Variants in SBK2 observed in about 807,000 individuals in gnomAD.
SBK2 encodes SH3 domain binding kinase family member 2, also known as serine/threonine-protein kinase SBK2.
In SBK2, 18 loss-of-function variants were observed where a neutral mutation model predicts 15.9. That is an observed-to-expected ratio of 1.13 (90% confidence interval 0.78 to 1.68). The LOEUF (loss-of-function observed/expected upper bound fraction) is 1.68. Among genes scored for constraint, SBK2 ranks in the 40% most tolerant of loss-of-function variants. SBK2 has a pLI of 0.00. For synonymous variants in SBK2, 284 were observed against 246.8 expected, an observed-to-expected ratio of 1.15 and a Z score of -1.41; for missense variants, 581 against 510.9, an observed-to-expected ratio of 1.14 and a Z score of -1.32.
chr19:55,534,155 G>C (rs310456), intron 2 of SBK2, among the ~76,000 whole-genome samples: 1 of 152,084 alleles, frequency 6.6e-6, no homozygotes, highest in South Asian at 2.1e-4. Context: ...AACCCCCCCA[G>C]TGCTGAATGT....
In SBK2 at chr19:55,530,127, C is replaced by T. The variant is rs923619624; in HGVS notation, c.653G>A (p.Gly218Glu). The T allele has an allele frequency of 1.4e-5, 21 of 1,463,458 alleles. No individual in the cohort carries two copies. Among genetic ancestry groups the T allele is most frequent in the Non-Finnish European group, 1.9e-5 (21 of 1,111,708 alleles). 90.7% of individuals were successfully genotyped at this position (1,463,458 alleles called of 1,614,324 possible). Residue 218 changes from glycine (G) to glutamate (E), a missense_variant, in exon 4 of 4, where the codon GGG becomes GAG. By Grantham distance (98) the Gly-to-Glu change is moderately conservative (BLOSUM62 -2). Transcript: ENST00000413299. ...RPRGTLLRLA[G>E]PPIPYTAPEL... ...GGGGGCCGTGTAGGGGATGGGCGGCCCGGCCAGGCGCAGCAGCGTCCCGCG... is the reference window on the plus strand; with the variant it reads ...GGGGGCCGTGTAGGGGATGGGCGGCTCGGCCAGGCGCAGCAGCGTCCCGCG...
intron 2 of SBK2, among the ~76,000 whole-genome samples, chr19:55,532,522 T>C (rs1487208644): frequency 1.3e-5 from 2 of 151,672 alleles, no homozygotes. Context: ...AGGCTAGTCT[T>C]GAACTCCTGG....
At chr19:55,531,455 C>G in intron 2 of SBK2, 110 bp from the exon 3 acceptor site, 1 of 810,046 alleles carries the variant, frequency 1.2e-6, no homozygotes, top group Admixed American at 2.1e-5. Context: ...TGGACTCTTT[C>G]CCATAGACCA....
chr19:55,531,377 G>A (rs1278469668), intron 2 of SBK2, 32 bp from the exon 3 acceptor site: 1 of 1,552,292 alleles, frequency 6.4e-7, no homozygotes, highest in Non-Finnish European at 8.7e-7. Flanking sequence ...TGGGAGGCGT[G>A]CAGCAGCCAA....
chr19:55,530,000 G>A lies in SBK2; in HGVS notation c.780C>T (p.Tyr260=), dbSNP rs1226239478. 1 of 1,523,578 alleles carries A rather than the reference G, an allele frequency of 6.6e-7. No individual in the cohort carries two copies. The highest frequency in any genetic ancestry group is 8.8e-7 in the Non-Finnish European group (1 of 1,137,832). The allele number at this position is 1,523,578 out of a possible 1,614,324, so 94.4% of individuals were successfully genotyped here. ...GVLLFCLLTG[Y]FPWDRPLAEA... ...CGGCCAGGGGCCGGTCCCAGGGGAA[G>A]TAGCCCGTGAGGAGGCAGAAGAGCA... is the stretch of plus-strand genomic sequence containing the variant. Residue 260 remains tyrosine, a synonymous_variant, in exon 4 of 4, where the codon TAC becomes TAT. Coordinates refer to ENST00000413299, the MANE Select transcript of SBK2 (RefSeq NM_001370096.2).
At position 55,536,226 on chromosome 19, in the gene SBK2, A is replaced by C; in HGVS notation, c.69T>G (p.Gly23=). 6.2e-7 allele frequency: 1 copy of C among 1,602,890 alleles called. No individual in the cohort carries two copies. Among genetic ancestry groups the C allele is most frequent in the Non-Finnish European group, 8.5e-7 (1 of 1,175,646 alleles). ...AGASEDSEEE[G]LGGLTLEELQ... The stretch of plus-strand genomic sequence containing the variant: ...GCTCCTCTAATGTCAGGCCGCCCAG[A>C]CCCTCCTCCTCGCTGTCCTCCGAAG... The change falls in exon 2 of 4, where the codon GGT becomes GGG. Residue 23 remains glycine (G), a synonymous_variant. Transcript: ENST00000413299.
In SBK2 at chr19:55,531,180, A is replaced by T; in HGVS notation, c.419T>A (p.Val140Asp). Reference protein sequence around the residue: ...AHSYSFLTEPVLHGDLMAFIQ... With the variant: ...AHSYSFLTEPDLHGDLMAFIQ... Reference sequence around the variant, plus strand: ...GAAGGCCATGAGGTCCCCGTGCAGGACGGGCTCCGTCAGGAAGCTGTAGGA... The same window carrying T: ...GAAGGCCATGAGGTCCCCGTGCAGGTCGGGCTCCGTCAGGAAGCTGTAGGA... The change falls in exon 3 of 4, where the codon GTC becomes GAC. Residue 140 changes from valine to aspartate, a missense_variant. By Grantham distance (152) the Val-to-Asp change is radical. Transcript: ENST00000413299. 1 of 1,612,908 alleles carries T rather than the reference A, an allele frequency of 6.2e-7. No homozygotes were observed. Among genetic ancestry groups the T allele is most frequent in the Admixed American group, 1.7e-5 (1 of 60,026 alleles).
chr19:55,533,011 C>G (rs1012486702), intron 2 of SBK2, among the ~76,000 whole-genome samples: 9 of 152,234 alleles, frequency 5.9e-5, no homozygotes, highest in Non-Finnish European at 1.2e-4. Flanking sequence ...TTCCCCCTCA[C>G]AAGGCCGTGT....
In SBK2 at chr19:55,536,352, GA is replaced by G. The variant is rs1394018692; in HGVS notation, c.-2-57del. On this transcript the variant is annotated intron_variant, in intron 1 of 3. Transcript: ENST00000413299. ...AGGTCCCAGGCCCAAGGGAGGAGGG[GA>G]CTGGGGGTCTGGACTCCTGGGTCTG... 64 of 1,367,436 alleles carry G rather than the reference GA, an allele frequency of 4.7e-5. No individual in the cohort carries two copies. The Admixed American group carries it at 4.7e-4, about 10-fold the overall frequency. The allele number at this position is 1,367,436 out of a possible 1,614,324, so 84.7% of individuals were successfully genotyped here.
At position 55,529,969 on chromosome 19, in the gene SBK2, C is replaced by T; in HGVS notation, c.811G>A (p.Asp271Asn). 2 of 1,527,906 alleles carry T rather than the reference C, an allele frequency of 1.3e-6. No individual in the cohort carries two copies. The highest frequency in any genetic ancestry group is 1.8e-6 in the Non-Finnish European group (2 of 1,139,550). 94.6% of individuals were successfully genotyped at this position (1,527,906 alleles called of 1,614,324 possible). Residue 271 changes from aspartate to asparagine, a missense_variant, in exon 4 of 4, where the codon GAC (aspartate) becomes AAC (asparagine). Physicochemically the swap from Asp to Asn is conservative, Grantham distance 23. Coordinates refer to ENST00000413299, the MANE Select transcript of SBK2 (RefSeq NM_001370096.2). ...FPWDRPLAEA[D>N]PFYEDFLIWQ... ...ATGAGGAAGTCCTCGTAGAAGGGGTCGGCCTCGGCCAGGGGCCGGTCCCAG... is the reference window on the plus strand; with the variant it reads ...ATGAGGAAGTCCTCGTAGAAGGGGTTGGCCTCGGCCAGGGGCCGGTCCCAG...
intron 2 of SBK2, among the ~76,000 whole-genome samples, chr19:55,533,848 C>G (rs1163906892): frequency 6.6e-6 from 1 of 152,052 alleles, no homozygotes; most frequent in Non-Finnish European, 1.5e-5. Flanking sequence ...CCCATCTATG[C>G]TCCCCACGGT....
chr19:55,535,964 C>A, intron 2 of SBK2, 78 bp downstream of exon 2: 1 of 1,339,540 alleles, frequency 7.5e-7, no homozygotes. Context: ...GCCTGCCAGC[C>A]TCCCCAGCCT....
At position 55,531,266 on chromosome 19, in the gene SBK2, G is replaced by C; in HGVS notation, c.333C>G (p.Leu111=). The part of the protein sequence containing the change: ...RGFLYEFCVG[L]SLGAHSAIVT... ...CGATGGCTGAGTGCGCGCCCAGCGA[G>C]AGCCCCACACAGAACTCGTACAGGA... Residue 111 remains leucine (L), a synonymous_variant, in exon 3 of 4, where the codon CTC becomes CTG. Coordinates refer to ENST00000413299, the MANE Select transcript of SBK2 (RefSeq NM_001370096.2). 3 of 1,613,704 alleles carry C rather than the reference G, an allele frequency of 1.9e-6. No homozygotes were observed. The highest frequency in any genetic ancestry group is 2.5e-6 in the Non-Finnish European group (3 of 1,179,912).
intron 2 of SBK2, among the ~76,000 whole-genome samples, chr19:55,535,282 T>C (rs950616261): frequency 6.7e-6 from 1 of 150,326 alleles, no homozygotes; most frequent in Non-Finnish European, 1.5e-5. Context: ...AAGGACACGG[T>C]GCTTGGCAGA....
chr19:55,535,940 A>G (rs1290304890), intron 2 of SBK2, 102 bp downstream of exon 2: 1 of 1,148,782 alleles, frequency 8.7e-7, no homozygotes, highest in Non-Finnish European at 1.2e-6. Context: ...GGGCAGAGGT[A>G]AGACTTGATT....
intron 2 of SBK2, among the ~76,000 whole-genome samples, chr19:55,533,960 G>C (rs1424492523): frequency 6.6e-6 from 1 of 152,134 alleles, no homozygotes; most frequent in Non-Finnish European, 1.5e-5. Flanking sequence ...CAGTGAAATG[G>C]CCATGGAGGG....
In SBK2 at chr19:55,529,810, G is replaced by T. The variant is rs1988197519; in HGVS notation, c.970C>A (p.His324Asn). Residue 324 changes from histidine (H) to asparagine (N), a missense_variant, in exon 4 of 4, where the codon CAC becomes AAC. Physicochemically the swap from His to Asn is moderately conservative, Grantham distance 68. Transcript: ENST00000413299. ...RRSAVIAIREHLGRPWRQREG... is the reference protein window; with the variant it reads ...RRSAVIAIRENLGRPWRQREG... Reference sequence around the variant, plus strand: ...CGCTGCCTCCAGGGGCGCCCCAGGTGCTCCCTGATGGCGATCACAGCGCTC... The same window carrying T: ...CGCTGCCTCCAGGGGCGCCCCAGGTTCTCCCTGATGGCGATCACAGCGCTC... 1 of 1,604,538 alleles carries T rather than the reference G, an allele frequency of 6.2e-7. No individual in the cohort carries two copies. Among genetic ancestry groups the T allele is most frequent in the Non-Finnish European group, 8.5e-7 (1 of 1,179,638 alleles).
At chr19:55,531,519 C>A (rs1315520741) in intron 2 of SBK2, among the ~76,000 whole-genome samples, 174 bp from the exon 3 acceptor site, 1 of 152,196 alleles carries the variant, frequency 6.6e-6, no homozygotes, top group Admixed American at 6.5e-5. Flanking sequence ...AACAGCATGG[C>A]CACCCAAGCA....
chr19:55,529,866 C>G lies in SBK2; in HGVS notation c.914G>C (p.Arg305Pro), dbSNP rs770859949. The stretch of plus-strand genomic sequence containing the variant: ...TCGGGGGTGAGGGTCCAGCAGCCCC[C>G]GCAGAAGCGCGTCGGCCGCGGCGGC... ...GLAAAADALL[R>P]GLLDPHPRRR... Residue 305 changes from arginine to proline, a missense_variant, in exon 4 of 4, where the codon CGG becomes CCG. By Grantham distance (103) the Arg-to-Pro change is moderately radical (BLOSUM62 -2). Transcript: ENST00000413299. The G allele has an allele frequency of 6.3e-7, 1 of 1,598,474 alleles. No individual in the cohort carries two copies.
Sources: allele counts gnomAD v4.1 joint callset (sites outside exome capture counted in the v4.1 genomes callset), GRCh38; gene constraint gnomAD v4.1.1; transcripts MANE v1.5; gene names NCBI Gene and HGNC (gene_info 2026-07-23, HGNC 2026-07-21).